Variants in ADGRE1 observed in about 807,000 individuals in gnomAD.
ADGRE1 encodes the protein EGF-like module receptor 1.
ADGRE1 carries 82 observed loss-of-function variants against 102.7 expected under a neutral mutation model. That is an observed-to-expected ratio of 0.80 (90% CI 0.67 to 0.96). The LOEUF is 0.96. Ranked by LOEUF, ADGRE1 falls within the 40% of genes least tolerant of loss-of-function variation. The probability of loss-of-function intolerance (pLI) is 0.00; values close to 1 mark genes in which losing one functional copy is unlikely to be tolerated. For missense variants in ADGRE1, 1,032 were observed against 1,085.3 expected (o/e 0.95, Z 0.69); for synonymous variants, 398 against 399.6 (o/e 1.00, Z 0.05).
At position 6,890,426 on chromosome 19, in the gene ADGRE1, T is replaced by G. The variant is rs1247899473; in HGVS notation, c.32-55T>G. On this transcript the variant is annotated intron_variant, in intron 1 of 20. Coordinates refer to ENST00000312053, the MANE Select transcript of ADGRE1 (RefSeq NM_001974.5). ...TTGCAGGTTGAGCCCAAAAGGTTTT[T>G]TTTTTTTTTTTTTTTTTTGGTGGTT... The G allele has an allele frequency of 1.0e-5, 11 of 1,101,728 alleles. No individual in the cohort carries two copies. In the East Asian group the frequency reaches 1.8e-4, roughly 18 times the overall value. The allele number at this position is 1,101,728 out of a possible 1,614,324, so 68.2% of individuals were successfully genotyped here.
intron 10 of ADGRE1, among the ~76,000 whole-genome samples, chr19:6,911,385 G>GTT (rs772959056): frequency 0.041 from 3,235 of 79,648 alleles, 260 homozygotes; most frequent in Non-Finnish European, 0.045. Context: ...ATTCCTTTTA[G>GTT]TTTTTTTTTT....
At chr19:6,889,929 A>G (rs1242833735) in intron 1 of ADGRE1, among the ~76,000 whole-genome samples, 1 of 151,822 alleles carries the variant, frequency 6.6e-6, no homozygotes, top group Non-Finnish European at 1.5e-5. Flanking sequence ...AATCAGCTAG[A>G]ACTTTTTTTT....
intron 10 of ADGRE1, among the ~76,000 whole-genome samples, chr19:6,911,355 C>T (rs1974166632): frequency 9.2e-6 from 1 of 108,182 alleles, no homozygotes; most frequent in Admixed American, 9.5e-5. Flanking sequence ...ATGCATTTTC[C>T]TGCATTTATT....
At chr19:6,896,341 T>C in intron 2 of ADGRE1, 57 bp from the exon 3 acceptor site, 1 of 1,573,786 alleles carries the variant, frequency 6.4e-7, no homozygotes, top group Non-Finnish European at 8.7e-7. Flanking sequence ...TGGGTTCCCT[T>C]GCAGCCTCAC....
At chr19:6,937,724 G>A (rs191933924) in intron 20 of ADGRE1, 76 bp downstream of exon 20, 479 of 1,398,576 alleles carry the variant, frequency 3.4e-4, no homozygotes, top group Middle Eastern at 2.7e-3. Flanking sequence ...GCTCTGCCAC[G>A]TGTTGGGTAC....
At chr19:6,939,497 G>A (rs11881853) in intron 20 of ADGRE1, among the ~76,000 whole-genome samples, 1 of 152,016 alleles carries the variant, frequency 6.6e-6, no homozygotes, top group Non-Finnish European at 1.5e-5. Context: ...TGTTGTAAAG[G>A]CTCTAAACTA....
In ADGRE1 at chr19:6,919,567, T is replaced by C. The variant is rs914678268; in HGVS notation, c.1440T>C (p.Phe480=). Residue 480 remains phenylalanine, a synonymous_variant, in exon 13 of 21, where the codon TTT becomes TTC. Transcript: ENST00000312053. ...CTGCAGAGACCACTGGTGTGGCTTT[T>C]GTCTCCTTTGTGGGCATGGAATCGG... ...SESTETTGVA[F]VSFVGMESVL... The C allele has an allele frequency of 5.6e-6, 9 of 1,613,208 alleles. No homozygotes were observed. The highest frequency in any genetic ancestry group is 6.8e-6 in the Non-Finnish European group (8 of 1,179,814).
chr19:6,928,169 G>T lies in ADGRE1; in HGVS notation c.2247G>T (p.Gly749=), dbSNP rs1340570046. The part of the protein sequence containing the change: ...HNRCWLNTET[G]FIWSFLGPVC... Reference sequence around the variant, plus strand: ...GCTGCTGGCTGAATACAGAGACAGGGTTCATCTGGAGTTTCTTGGGGCCAG... The same window carrying T: ...GCTGCTGGCTGAATACAGAGACAGGTTTCATCTGGAGTTTCTTGGGGCCAG... The change falls in exon 17 of 21, where the codon GGG becomes GGT. Residue 749 remains glycine (G), a synonymous_variant. Transcript: ENST00000312053. 2 of 1,614,100 alleles carry T rather than the reference G, an allele frequency of 1.2e-6. No homozygotes were observed. Among genetic ancestry groups the T allele is most frequent in the East Asian group, 2.2e-5 (1 of 44,888 alleles).
intron 3 of ADGRE1, 190 bp from the exon 4 acceptor site, chr19:6,896,959 C>T (rs1210836446): frequency 1.6e-6 from 1 of 614,734 alleles, no homozygotes; most frequent in Non-Finnish European, 2.7e-6. Context: ...CCTAGTGTCA[C>T]TTCCACCATA....
At chr19:6,916,470 C>T in intron 12 of ADGRE1, 102 bp downstream of exon 12, 1 of 1,448,868 alleles carries the variant, frequency 6.9e-7, no homozygotes, top group East Asian at 2.4e-5. Context: ...TAGTTGAGAA[C>T]CAATGAGGGT....
intron 5 of ADGRE1, 67 bp downstream of exon 5, chr19:6,897,614 A>T: frequency 7.0e-7 from 1 of 1,424,236 alleles, no homozygotes; most frequent in Non-Finnish European, 9.2e-7. Context: ...CTGGAAGACC[A>T]TATGAGAAAG....
intron 5 of ADGRE1, 81 bp downstream of exon 5, chr19:6,897,628 T>C: frequency 7.2e-7 from 1 of 1,387,450 alleles, no homozygotes; most frequent in Non-Finnish European, 9.5e-7. Context: ...GAGAAAGGGA[T>C]TTTCTCATGT....
chr19:6,888,298 G>A (rs1973221839), intron 1 of ADGRE1, among the ~76,000 whole-genome samples: 1 of 152,198 alleles, frequency 6.6e-6, no homozygotes, highest in Non-Finnish European at 1.5e-5. Context: ...GTGGTCGGGA[G>A]TTATGTTGAA....
Position 6,926,554 on chromosome 19 carries a change from G to C in ADGRE1, c.2175G>C (p.Val725=). 6.2e-7 allele frequency: 1 copy of C among 1,614,228 alleles called. No homozygotes were observed. The highest frequency in any genetic ancestry group is 8.5e-7 in the Non-Finnish European group (1 of 1,180,046). The change falls in exon 16 of 21, where the codon GTG becomes GTC. Residue 725 remains valine (V), a synonymous_variant. Coordinates refer to ENST00000312053, the MANE Select transcript of ADGRE1 (RefSeq NM_001974.5). ...GTTATGGGCTGCCGATGCTGGTGGTGGTGATCTCTGCCAGTGTGCAGCCAC... is the reference window on the plus strand; with the variant it reads ...GTTATGGGCTGCCGATGCTGGTGGTCGTGATCTCTGCCAGTGTGCAGCCAC... The part of the protein sequence containing the change: ...AFGYGLPMLV[V]VISASVQPQG...
intron 11 of ADGRE1, 64 bp downstream of exon 11, chr19:6,913,894 A>C: frequency 1.3e-6 from 2 of 1,485,560 alleles, no homozygotes; most frequent in South Asian, 2.8e-5. Flanking sequence ...GACTTTGGCA[A>C]TGGGATATTC....
chr19:6,924,943 C>G, intron 15 of ADGRE1, 71 bp downstream of exon 15: 1 of 1,513,444 alleles, frequency 6.6e-7, no homozygotes, highest in Non-Finnish European at 9.1e-7. Flanking sequence ...CATTCCTAGC[C>G]AACTCCCTCT....
At chr19:6,919,450 GTGTGTGT>G in intron 12 of ADGRE1, 91 bp from the exon 13 acceptor site, 1 of 487,472 alleles carries the variant, frequency 2.1e-6, no homozygotes, top group Non-Finnish European at 3.8e-6. Context: ...CTCTGTGTGT[GTGTGTGT>G]GTGTGTGTGT....
intron 17 of ADGRE1, among the ~76,000 whole-genome samples, chr19:6,933,849 C>T (rs1975268283): frequency 1.3e-5 from 2 of 152,086 alleles, no homozygotes; most frequent in South Asian, 2.1e-4. Context: ...TCAGTATTGC[C>T]GTGGGTGAAC....
intron 9 of ADGRE1, among the ~76,000 whole-genome samples, chr19:6,906,816 A>G (rs1209826675): frequency 6.6e-6 from 1 of 151,852 alleles, no homozygotes; most frequent in African/African-American, 2.4e-5. Context: ...AGGAAGTGAA[A>G]AGTACGGTCC....
Sources: allele counts gnomAD v4.1 joint callset (sites outside exome capture counted in the v4.1 genomes callset), GRCh38; gene constraint gnomAD v4.1.1; transcripts MANE v1.5; gene names NCBI Gene and HGNC (gene_info 2026-07-23, HGNC 2026-07-21).